The following UQCRC1 variants were observed in gnomAD, a reference collection of about 807,000 sequenced individuals.
UQCRC1 encodes ubiquinol-cytochrome c reductase core protein 1.
UQCRC1 carries 34 observed loss-of-function variants against 58.0 expected under a neutral mutation model. The ratio of observed to expected loss-of-function variants is 0.59; its 90% CI spans 0.45 to 0.78. UQCRC1 has a LOEUF of 0.78. Among genes scored for constraint, UQCRC1 ranks in the 30% least tolerant of loss-of-function variants. The pLI is 0.00. For synonymous variants in UQCRC1, 276 were observed against 248.8 expected (o/e 1.11, Z -1.03); for missense variants, 610 against 646.0 (o/e 0.94, Z 0.60).
At chr3:48,601,545 G>T (rs113833434) in intron 6 of UQCRC1, 78 bp from the exon 7 acceptor site, 12 of 1,338,508 alleles carry the variant, frequency 9.0e-6, no homozygotes, top group East Asian at 2.4e-5. Flanking sequence ...ACAGGCAGAG[G>T]ACCCCCATGT....
Position 48,600,732 on chromosome 3 carries a change from C to T in UQCRC1, c.1075G>A (p.Val359Ile). 6.2e-7 allele frequency: 1 copy of T among 1,614,178 alleles called. No homozygotes were observed. Among genetic ancestry groups the T allele is most frequent in the Non-Finnish European group, 8.5e-7 (1 of 1,180,046 alleles). Residue 359 changes from valine (V) to isoleucine (I), a missense_variant, in exon 9 of 13, where the codon GTC (valine) becomes ATC (isoleucine). Physicochemically the swap from Val to Ile is conservative, Grantham distance 29. Transcript: ENST00000203407. ...AETGLLGAHF[V>I]CDRMKIDDMM... ...TCATCGATTTTCATTCGGTCACAGA[C>T]AAAGTGTGCACCCAGCAAGCCCGTC...
Position 48,609,641 on chromosome 3 carries a change from T to G in UQCRC1, c.-21A>C. The G allele has an allele frequency of 6.5e-7, 1 of 1,546,668 alleles. No homozygotes were observed. The highest frequency in any genetic ancestry group is 1.9e-5 in the Admixed American group (1 of 52,768). ...GCCATCTTCCAGCTGCAGTCGGCCC[T>G]GTTGCGCCGCGCAAGCGTAGACTGG... On this transcript the variant is annotated 5_prime_UTR_variant, in exon 1 of 13. Transcript: ENST00000203407.
chr3:48,601,872 G>C (rs1459116916), intron 6 of UQCRC1, among the ~76,000 whole-genome samples: 1 of 152,176 alleles, frequency 6.6e-6, no homozygotes, highest in Non-Finnish European at 1.5e-5. Flanking sequence ...TGGCCCTGCA[G>C]GGGGTGGCAA....
At chr3:48,599,351 G>T in intron 12 of UQCRC1, 159 bp from the exon 13 acceptor site, 2 of 870,464 alleles carry the variant, frequency 2.3e-6, no homozygotes, top group Non-Finnish European at 3.5e-6. Context: ...TGCTGAGCCT[G>T]TCCCTTCATG....
chr3:48,600,657 AG>A (rs760235056), intron 9 of UQCRC1, 22 bp downstream of exon 9: 2 of 1,614,006 alleles, frequency 1.2e-6, no homozygotes, highest in Non-Finnish European at 1.7e-6. Context: ...CATCCCACCT[AG>A]GAATACCAGG....
In UQCRC1 at chr3:48,608,926, T is replaced by C. The variant is rs371928938; in HGVS notation, c.210+236A>G. Among the ~76,000 whole-genome samples the C allele has an allele frequency of 2.6e-5, 4 of 152,306 alleles. No individual in the cohort carries two copies. The East Asian group carries it at 7.7e-4, about 29-fold the overall frequency. Reference sequence around the variant, plus strand: ...CCTTAACAAAAGGCTGGAAAAGAATTTGGCCGCCTACTTAACGGGCATTAT... The same window carrying C: ...CCTTAACAAAAGGCTGGAAAAGAATCTGGCCGCCTACTTAACGGGCATTAT... On this transcript the variant is annotated intron_variant, in intron 2 of 12. Coordinates refer to ENST00000203407, the MANE Select transcript of UQCRC1 (RefSeq NM_003365.3).
In UQCRC1 at chr3:48,599,160, T is replaced by TCC; in HGVS notation, c.1409_1410dup (p.Ile471GlyfsTer45). 6.2e-7 allele frequency: 1 copy of TCC among 1,610,972 alleles called. No homozygotes were observed. Among genetic ancestry groups the TCC allele is most frequent in the Non-Finnish European group, 8.5e-7 (1 of 1,178,228 alleles). On this transcript the variant is annotated frameshift_variant, in exon 13 of 13. Transcript: ENST00000203407. LOFTEE classifies it high-confidence loss of function. ...CGCAGCCAGAACATGCCGCTACGGATCCGGTTGTAGTCTGGGAGCTGCTCA... is the reference window on the plus strand; with the variant it reads ...CGCAGCCAGAACATGCCGCTACGGATCCCCGGTTGTAGTCTGGGAGCTGCTCA...
At chr3:48,599,516 T>C (rs369875959) in intron 12 of UQCRC1, 119 bp downstream of exon 12, 10 of 1,126,104 alleles carry the variant, frequency 8.9e-6, no homozygotes, top group East Asian at 7.5e-5. Context: ...GGAGAGCTGC[T>C]TGGGGCCTTA....
At chr3:48,607,231 C>T (rs984017061) in intron 2 of UQCRC1, among the ~76,000 whole-genome samples, 5 of 152,146 alleles carry the variant, frequency 3.3e-5, no homozygotes, top group African/African-American at 7.2e-5. Flanking sequence ...TTAGTAGAGA[C>T]GGGGTTTCAC....
chr3:48,603,641 T>C lies in UQCRC1; in HGVS notation c.629A>G (p.Lys210Arg). The C allele has an allele frequency of 1.2e-6, 2 of 1,613,746 alleles. No individual in the cohort carries two copies. Among genetic ancestry groups the C allele is most frequent in the Non-Finnish European group, 1.7e-6 (2 of 1,179,860 alleles). Residue 210 changes from lysine to arginine, a missense_variant and splice_region_variant, in exon 6 of 13, where the codon AAG becomes AGG. Physicochemically the swap from Lys to Arg is conservative, Grantham distance 26. Coordinates refer to ENST00000203407, the MANE Select transcript of UQCRC1 (RefSeq NM_003365.3). The part of the protein sequence containing the change: ...AVEGPSENVR[K>R]LSRADLTEYL... The stretch of plus-strand genomic sequence containing the variant: ...CTCGGTCAAGTCTGCACGAGACAGC[T>C]TCCTACAAGACATATGGTCAGTGTG...
At chr3:48,599,360 T>C in intron 12 of UQCRC1, 168 bp from the exon 13 acceptor site, 1 of 841,328 alleles carries the variant, frequency 1.2e-6, no homozygotes. Context: ...TGTCCCTTCA[T>C]GTTCTGGCCC....
At position 48,603,616 on chromosome 3, in the gene UQCRC1, C is replaced by G. The variant is rs1286630157; in HGVS notation, c.654G>C (p.Glu218Asp). The change falls in exon 6 of 13, where the codon GAG becomes GAC. Residue 218 changes from glutamate (E) to aspartate (D), a missense_variant. Coordinates refer to ENST00000203407, the MANE Select transcript of UQCRC1 (RefSeq NM_003365.3). Reference sequence around the variant, plus strand: ...GGGCCTTGTAATGTGTGCTGAGGTACTCGGTCAAGTCTGCACGAGACAGCT... The same window carrying G: ...GGGCCTTGTAATGTGTGCTGAGGTAGTCGGTCAAGTCTGCACGAGACAGCT... ...VRKLSRADLT[E>D]YLSTHYKAPR... 2 of 1,613,910 alleles carry G rather than the reference C, an allele frequency of 1.2e-6. No homozygotes were observed. Among genetic ancestry groups the G allele is most frequent in the African/African-American group, 2.7e-5 (2 of 74,930 alleles).
chr3:48,609,610 G>C lies in UQCRC1; in HGVS notation c.11C>G (p.Ser4Cys). ...GGCGGTAGCGGCCCGACAGACCACG[G>C]ACGCCGCCATCTTCCAGCTGCAGTC... MAASVVCRAATAGA... is the reference protein window; with the variant it reads MAACVVCRAATAGA... The change falls in exon 1 of 13, where the codon TCC becomes TGC. Residue 4 changes from serine to cysteine, a missense_variant. By Grantham distance (112) the Ser-to-Cys change is moderately radical. Coordinates refer to ENST00000203407, the MANE Select transcript of UQCRC1 (RefSeq NM_003365.3). The C allele has an allele frequency of 6.4e-7, 1 of 1,568,822 alleles. No individual in the cohort carries two copies. Among genetic ancestry groups the C allele is most frequent in the Non-Finnish European group, 8.6e-7 (1 of 1,161,162 alleles).
At chr3:48,606,316 A>G (rs1356783137) in intron 2 of UQCRC1, among the ~76,000 whole-genome samples, 1 of 152,226 alleles carries the variant, frequency 6.6e-6, no homozygotes, top group Non-Finnish European at 1.5e-5. Context: ...TTTAGACTGT[A>G]TATTTTATCA....
intron 5 of UQCRC1, 178 bp downstream of exon 5, chr3:48,604,037 AAAGCCCAAAATTCAAGTG>A: frequency 1.5e-6 from 1 of 647,094 alleles, no homozygotes; most frequent in Non-Finnish European, 2.6e-6. Context: ...ACCTTAAAAC[AAAGCCCAAAATTCAAGTG>A]AAGCCCACAA....
At chr3:48,606,904 G>A (rs1036015224) in intron 2 of UQCRC1, among the ~76,000 whole-genome samples, 4 of 150,340 alleles carry the variant, frequency 2.7e-5, no homozygotes, top group African/African-American at 7.4e-5. Flanking sequence ...ACTCTGTCAC[G>A]AGACGAGTGC....
intron 2 of UQCRC1, among the ~76,000 whole-genome samples, chr3:48,607,832 T>G (rs562294059): frequency 6.6e-6 from 1 of 151,934 alleles, no homozygotes; most frequent in Non-Finnish European, 1.5e-5. Flanking sequence ...GTAATTTCTT[T>G]TTTTTTTTTT....
chr3:48,605,569 C>T (rs1192701893), intron 3 of UQCRC1, among the ~76,000 whole-genome samples: 2 of 152,178 alleles, frequency 1.3e-5, no homozygotes, highest in Non-Finnish European at 2.9e-5. Flanking sequence ...GTCCTCTTGG[C>T]TCTGAGGGCC....
intron 2 of UQCRC1, 80 bp from the exon 3 acceptor site, chr3:48,605,936 T>C (rs2046407195): frequency 7.2e-7 from 1 of 1,381,480 alleles, no homozygotes; most frequent in Non-Finnish European, 1.0e-6. Flanking sequence ...AGTGACTCAG[T>C]ACAAGCCCCA....
Sources: allele counts gnomAD v4.1 joint callset (sites outside exome capture counted in the v4.1 genomes callset), GRCh38; gene constraint gnomAD v4.1.1; transcripts MANE v1.5; gene names NCBI Gene and HGNC (gene_info 2026-07-23, HGNC 2026-07-21).